The following RFTN2 variants were observed in gnomAD, a reference collection of about 807,000 sequenced individuals.
RFTN2 encodes the protein raftlin family member 2.
In RFTN2, 34 loss-of-function variants were observed where a neutral mutation model predicts 52.7. The observed-to-expected ratio is 0.64, with a 90% CI of 0.49 to 0.86. The LOEUF is 0.86. Among genes scored for constraint, RFTN2 ranks in the 40% least tolerant of loss-of-function variants. RFTN2 has a pLI of 0.00. For synonymous variants in RFTN2, 203 were observed against 217.7 expected (o/e 0.93, Z 0.59); for missense variants, 536 against 600.1 (o/e 0.89, Z 1.12).
chr2:197,625,729 T>TCC (rs1559354429), intron 5 of RFTN2, among the ~76,000 whole-genome samples: 5 of 43,226 alleles, frequency 1.2e-4, no homozygotes, highest in African/African-American at 1.6e-4. Flanking sequence ...CTCCCCTCCC[T>TCC]TCCCCTCCCC....
chr2:197,602,020 G>T (rs566514853), intron 7 of RFTN2, among the ~76,000 whole-genome samples: 1 of 152,094 alleles, frequency 6.6e-6, no homozygotes, highest in South Asian at 2.1e-4. Context: ...CAACAAAAAT[G>T]AAACTAAAAA....
chr2:197,674,051 A>G (rs1183859044), intron 1 of RFTN2, among the ~76,000 whole-genome samples: 1 of 152,212 alleles, frequency 6.6e-6, no homozygotes. Flanking sequence ...AAAAGTATAG[A>G]AAAAATTCAA....
chr2:197,646,778 A>G lies in RFTN2; in HGVS notation c.140-112T>C. On this transcript the variant is annotated intron_variant, in intron 1 of 8. Coordinates refer to ENST00000295049, the MANE Select transcript of RFTN2 (RefSeq NM_144629.3). ...ATAGGAAAAGATCTTGGCCGGGTGCAATGGCACATGCGTGTAATCCCAGCA... is the reference window on the plus strand; with the variant it reads ...ATAGGAAAAGATCTTGGCCGGGTGCGATGGCACATGCGTGTAATCCCAGCA... The G allele has an allele frequency of 7.3e-6, 6 of 822,642 alleles. No homozygotes were observed. The South Asian group carries it at 1.1e-4, about 15-fold the overall frequency. The allele number at this position is 822,642 out of a possible 1,614,324, so 51.0% of individuals were successfully genotyped here.
At chr2:197,629,674 A>G (rs1162847181) in intron 5 of RFTN2, among the ~76,000 whole-genome samples, 3 of 89,378 alleles carry the variant, frequency 3.4e-5, no homozygotes, top group Non-Finnish European at 6.9e-5. Context: ...TTTAATTTTT[A>G]TACACACACA....
Position 197,572,196 on chromosome 2 carries a change from G to A in RFTN2, c.1318C>T (p.Pro440Ser). The A allele has an allele frequency of 6.2e-7, 1 of 1,614,240 alleles. No individual in the cohort carries two copies. The highest frequency in any genetic ancestry group is 8.5e-7 in the Non-Finnish European group (1 of 1,180,032). Residue 440 changes from proline (P) to serine (S), a missense_variant, in exon 9 of 9, where the codon CCT becomes TCT. Coordinates refer to ENST00000295049, the MANE Select transcript of RFTN2 (RefSeq NM_144629.3). ...SIGLDTTSSQ[P>S]AESRHLPEEC... The stretch of plus-strand genomic sequence containing the variant: ...TCAGGCAGGTGTCTGCTCTCTGCAG[G>A]TTGTGACGAGGTTGTGTCTAATCCG...
At chr2:197,640,740 C>A (rs570868941) in intron 3 of RFTN2, among the ~76,000 whole-genome samples, 2 of 152,182 alleles carry the variant, frequency 1.3e-5, no homozygotes, top group South Asian at 2.1e-4. Flanking sequence ...TGTTCCTATT[C>A]GGCCATCTTG....
chr2:197,585,565 C>T (rs2087583240), intron 8 of RFTN2, among the ~76,000 whole-genome samples: 1 of 152,198 alleles, frequency 6.6e-6, no homozygotes, highest in South Asian at 2.1e-4. Flanking sequence ...ATGCCACCCT[C>T]TACCTCTCCC....
At chr2:197,625,538 A>G (rs2088340076) in intron 5 of RFTN2, among the ~76,000 whole-genome samples, 1 of 151,952 alleles carries the variant, frequency 6.6e-6, no homozygotes. Flanking sequence ...TAGCCTATCC[A>G]CTTCTTTCCA....
chr2:197,582,522 T>C (rs1294727031), intron 8 of RFTN2, among the ~76,000 whole-genome samples: 1 of 152,212 alleles, frequency 6.6e-6, no homozygotes, highest in Non-Finnish European at 1.5e-5. Flanking sequence ...GGCTATGCTA[T>C]AGTATCTTCC....
chr2:197,572,069 C>T lies in RFTN2; in HGVS notation c.1445G>A (p.Arg482Gln), dbSNP rs576710965. 1.2e-5 allele frequency: 20 copies of T among 1,614,208 alleles called. No individual in the cohort carries two copies. Among genetic ancestry groups the T allele is most frequent in the Middle Eastern group, 1.6e-4 (1 of 6,062 alleles). The change falls in exon 9 of 9, where the codon CGG becomes CAG. Residue 482 changes from arginine (R) to glutamine (Q), a missense_variant. Coordinates refer to ENST00000295049, the MANE Select transcript of RFTN2 (RefSeq NM_144629.3). ...SGFSSSDNVL[R>Q]ELDDGQFDQE... The stretch of plus-strand genomic sequence containing the variant: ...ATCAAACTGTCCGTCGTCTAATTCC[C>T]GGAGGACGTTGTCACTGCTGCTGAA...
At chr2:197,631,244 A>C (rs368325555) in intron 4 of RFTN2, 24 bp from the exon 5 acceptor site, 16 of 1,521,940 alleles carry the variant, frequency 1.1e-5, no homozygotes, top group Non-Finnish European at 1.4e-5. Context: ...AGGAGAAAAA[A>C]GGGGAAAATT....
At chr2:197,667,842 G>C (rs1370796433) in intron 1 of RFTN2, among the ~76,000 whole-genome samples, 2 of 152,164 alleles carry the variant, frequency 1.3e-5, no homozygotes, top group African/African-American at 4.8e-5. Flanking sequence ...GGTTGAGCAT[G>C]CCTGTCTTTG....
intron 1 of RFTN2, among the ~76,000 whole-genome samples, chr2:197,667,857 C>T (rs948780231): frequency 6.6e-6 from 1 of 152,078 alleles, no homozygotes; most frequent in African/African-American, 2.4e-5. Flanking sequence ...TCTTTGGGAC[C>T]CAGTGAGGCA....
chr2:197,640,241 C>G (rs1374973517), intron 3 of RFTN2, among the ~76,000 whole-genome samples: 2 of 152,040 alleles, frequency 1.3e-5, no homozygotes, highest in African/African-American at 4.8e-5. Flanking sequence ...GGCAGGCCTC[C>G]TTGAGCTGTG....
Position 197,675,410 on chromosome 2 carries a change from C to T in RFTN2, c.49G>A (p.Gly17Arg). 1 of 1,603,986 alleles carries T rather than the reference C, an allele frequency of 6.2e-7. No individual in the cohort carries two copies. Among genetic ancestry groups the T allele is most frequent in the Non-Finnish European group, 8.5e-7 (1 of 1,175,330 alleles). ...KLEDPDDSSP[G>R]KIFSTLKRPQ... The stretch of plus-strand genomic sequence containing the variant: ...CTCTTCAGGGTAGAAAATATTTTTC[C>T]AGGGCTGCTATCATCAGGGTCTTCT... The change falls in exon 1 of 9, where the codon GGA (glycine) becomes AGA (arginine). Residue 17 changes from glycine (G) to arginine (R), a missense_variant. Transcript: ENST00000295049.
chr2:197,599,698 A>ACTCT lies in RFTN2; in HGVS notation c.1155-3630_1155-3629insAGAG, dbSNP rs1213829631. ...GCCAGCGTTCTACTTGATATTTAACACAGTATGCAGAGAGGTGAAACATGT... is the reference window on the plus strand; with the variant it reads ...GCCAGCGTTCTACTTGATATTTAACACTCTCAGTATGCAGAGAGGTGAAACATGT... On this transcript the variant is annotated intron_variant, in intron 7 of 8. Transcript: ENST00000295049. Among the ~76,000 whole-genome samples the ACTCT allele has an allele frequency of 2.0e-5, 3 of 152,254 alleles. No individual in the cohort carries two copies. In the East Asian group the frequency reaches 5.8e-4, roughly 29 times the overall value.
chr2:197,637,134 C>T (rs1380461592), intron 3 of RFTN2, among the ~76,000 whole-genome samples: 61 of 149,944 alleles, frequency 4.1e-4, no homozygotes, highest in African/African-American at 6.8e-4. Context: ...CTGCTGGATT[C>T]GTTTTGCCAG....
At chr2:197,662,485 C>T (rs2088991283) in intron 1 of RFTN2, among the ~76,000 whole-genome samples, 1 of 152,150 alleles carries the variant, frequency 6.6e-6, no homozygotes, top group East Asian at 1.9e-4. Flanking sequence ...ATACCAATAC[C>T]ATGCTGTTTG....
intron 5 of RFTN2, among the ~76,000 whole-genome samples, chr2:197,627,134 C>G (rs2088377859): frequency 1.3e-5 from 2 of 152,158 alleles, no homozygotes. Context: ...AAACACAGAC[C>G]TTTTCCCAGT....
Sources: gnomAD v4.1 joint callset for allele counts (sites outside exome capture counted in the v4.1 genomes callset) on GRCh38, gnomAD v4.1.1 for gene constraint, MANE v1.5 for transcripts, NCBI Gene and HGNC (gene_info 2026-07-23, HGNC 2026-07-21) for gene names.